The following CCSER1 variants were observed in gnomAD, a reference collection of about 807,000 sequenced individuals.
CCSER1 encodes coiled-coil serine rich protein 1, also known as serine-rich coiled-coil domain-containing protein 1.
A neutral mutation model predicts 82.0 loss-of-function variants in CCSER1; 41 were observed. That is an observed-to-expected ratio of 0.50 (90% CI 0.39 to 0.65). The LOEUF is 0.65. Among genes scored for constraint, CCSER1 ranks in the 30% least tolerant of loss-of-function variants. CCSER1 has a pLI of 0.00. For synonymous variants in CCSER1, 414 were observed against 383.9 expected, an observed-to-expected ratio of 1.08 and a Z score of -0.92; for missense variants, 1,119 against 1,064.2, an observed-to-expected ratio of 1.05 and a Z score of -0.72.
intron 1 of CCSER1, among the ~76,000 whole-genome samples, chr4:90,297,705 G>T (rs572733260): frequency 1.3e-5 from 2 of 151,924 alleles, no homozygotes; most frequent in East Asian, 1.9e-4. Context: ...TAGCATGAAG[G>T]GTTGTTGAAT....
chr4:91,183,206 T>C (rs1254950396), intron 10 of CCSER1, among the ~76,000 whole-genome samples: 1 of 152,196 alleles, frequency 6.6e-6, no homozygotes, highest in Non-Finnish European at 1.5e-5. Flanking sequence ...TTCAATTAAC[T>C]GTGTGGGATG....
At chr4:90,665,488 A>AT (rs1231295478) in intron 6 of CCSER1, among the ~76,000 whole-genome samples, 1 of 151,784 alleles carries the variant, frequency 6.6e-6, no homozygotes, top group Non-Finnish European at 1.5e-5. Flanking sequence ...CGCCCGGCTA[A>AT]TTTTTTGTAT....
chr4:90,260,953 T>C (rs1724224589), intron 1 of CCSER1, among the ~76,000 whole-genome samples: 1 of 152,138 alleles, frequency 6.6e-6, no homozygotes, highest in Admixed American at 6.5e-5. Context: ...TGACCTCAAG[T>C]GATCTGCTTG....
intron 10 of CCSER1, among the ~76,000 whole-genome samples, chr4:91,488,792 T>G (rs114037114): frequency 0.12 from 17,539 of 152,274 alleles, 1,128 homozygotes; most frequent in Middle Eastern, 0.2. Context: ...CAGGTAGTTC[T>G]TTATAGCAGT....
At chr4:90,503,922 C>A (rs540690906) in intron 5 of CCSER1, among the ~76,000 whole-genome samples, 1 of 152,048 alleles carries the variant, frequency 6.6e-6, no homozygotes, top group African/African-American at 2.4e-5. Context: ...ATACTTTTTT[C>A]TTTCCTAAAA....
intron 1 of CCSER1, among the ~76,000 whole-genome samples, chr4:90,304,084 A>C (rs1402641626): frequency 2.0e-5 from 3 of 152,178 alleles, no homozygotes; most frequent in African/African-American, 4.8e-5. Flanking sequence ...AATGCAAATC[A>C]AAACCACAAT....
At chr4:91,044,802 G>A (rs1424763311) in intron 9 of CCSER1, among the ~76,000 whole-genome samples, 1 of 152,048 alleles carries the variant, frequency 6.6e-6, no homozygotes, top group African/African-American at 2.4e-5. Flanking sequence ...GACATAATAA[G>A]TAATCAAGAA....
At chr4:91,255,376 C>G (rs899027912) in intron 10 of CCSER1, among the ~76,000 whole-genome samples, 13 of 152,034 alleles carry the variant, frequency 8.6e-5, no homozygotes, top group African/African-American at 2.7e-4. Context: ...AACCTTATTA[C>G]TATTATTATT....
chr4:90,989,891 C>T (rs191050015), intron 9 of CCSER1, among the ~76,000 whole-genome samples: 94 of 151,748 alleles, frequency 6.2e-4, no homozygotes, highest in Non-Finnish European at 8.0e-4. Context: ...GGAGCAGGGA[C>T]GATCCGGAAA....
At chr4:91,439,890 G>A (rs1303854618) in intron 10 of CCSER1, among the ~76,000 whole-genome samples, 2 of 152,070 alleles carry the variant, frequency 1.3e-5, no homozygotes, top group South Asian at 2.1e-4. Flanking sequence ...AATGGTAAAG[G>A]GATCACTACA....
intron 10 of CCSER1, among the ~76,000 whole-genome samples, chr4:91,380,116 T>A (rs1022444777): frequency 3.9e-5 from 6 of 152,164 alleles, no homozygotes; most frequent in Non-Finnish European, 8.8e-5. Flanking sequence ...GAGAGACAGT[T>A]TGTTATAATT....
intron 10 of CCSER1, among the ~76,000 whole-genome samples, chr4:91,401,588 C>T (rs1035753395): frequency 6.6e-6 from 1 of 151,906 alleles, no homozygotes; most frequent in African/African-American, 2.4e-5. Context: ...GTGATGTTCC[C>T]CACCATGTGT....
chr4:91,404,305 C>T (rs960582425), intron 10 of CCSER1, among the ~76,000 whole-genome samples: 24 of 152,018 alleles, frequency 1.6e-4, no homozygotes, highest in African/African-American at 5.5e-4. Context: ...ATTAGTCTTG[C>T]TAGCAGTCTA....
At chr4:90,315,815 C>T (rs993921200) in intron 3 of CCSER1, among the ~76,000 whole-genome samples, 1 of 152,086 alleles carries the variant, frequency 6.6e-6, no homozygotes, top group African/African-American at 2.4e-5. Flanking sequence ...TTACTTCACA[C>T]TTAATTAATT....
intron 10 of CCSER1, among the ~76,000 whole-genome samples, chr4:91,369,443 G>T (rs981327933): frequency 1.3e-5 from 2 of 152,112 alleles, no homozygotes; most frequent in Non-Finnish European, 1.5e-5. Context: ...AGGAATTTTT[G>T]AGCAATTCTT....
rs1413494835 is a variant in CCSER1 at position 90,810,932 on chromosome 4, A to G, written c.2011-4830A>G. ...ACTACAAGGCCCGCCTCCCGGGTTC[A>G]CGCCATTCTCCTGCCTCAGCCTCCT... On this transcript the variant is annotated intron_variant, in intron 7 of 10. Coordinates refer to ENST00000509176, the MANE Select transcript of CCSER1 (RefSeq NM_001145065.2). 2.1e-5 allele frequency among the ~76,000 whole-genome samples: 3 copies of G among 141,876 alleles called. No homozygotes were observed. In the South Asian group the frequency reaches 6.7e-4, roughly 32 times the overall value. 93.1% of individuals were successfully genotyped at this position (141,876 alleles called of 152,430 possible). A position where few individuals can be genotyped will look rare whatever the true frequency, so the allele number is the denominator to read the frequency against.
intron 5 of CCSER1, among the ~76,000 whole-genome samples, chr4:90,513,379 T>G (rs908136566): frequency 3.3e-5 from 5 of 152,278 alleles, no homozygotes; most frequent in Middle Eastern, 3.4e-3. Context: ...TGTAGCTCTC[T>G]TCAAGGTAGA....
In CCSER1 at chr4:91,350,036, T is replaced by A. The variant is rs1045446064; in HGVS notation, c.2218-248536T>A. Among the ~76,000 whole-genome samples, 14 of 152,264 alleles carry A rather than the reference T, an allele frequency of 9.2e-5. No homozygotes were observed. In the East Asian group the frequency reaches 2.7e-3, roughly 29 times the overall value. ...TTATTGAGTTTCAGTTTGTTCTGTTTTTTCATTGTAGTGAGAATGGGAGTG... is the reference window on the plus strand; with the variant it reads ...TTATTGAGTTTCAGTTTGTTCTGTTATTTCATTGTAGTGAGAATGGGAGTG... On this transcript the variant is annotated intron_variant, in intron 10 of 10. Transcript: ENST00000509176.
At chr4:90,217,706 G>A (rs1741341406) in intron 1 of CCSER1, among the ~76,000 whole-genome samples, 1 of 152,010 alleles carries the variant, frequency 6.6e-6, no homozygotes. Flanking sequence ...GTTTTTGCCT[G>A]TTCACTATGA....
Sources: gnomAD v4.1 joint callset for allele counts (sites outside exome capture counted in the v4.1 genomes callset) on GRCh38, gnomAD v4.1.1 for gene constraint, MANE v1.5 for transcripts, NCBI Gene and HGNC (gene_info 2026-07-23, HGNC 2026-07-21) for gene names.